SLC2A9: variants seen among roughly 807,000 people sequenced by gnomAD.
SLC2A9 encodes solute carrier family 2, facilitated glucose transporter member 9.
SLC2A9 carries 39 observed loss-of-function variants against 50.6 expected under a neutral mutation model. That is an observed-to-expected ratio of 0.77 (90% CI 0.60 to 1.01). SLC2A9 has a LOEUF of 1.01. Among genes scored for constraint, SLC2A9 ranks in the 50% least tolerant of loss-of-function variants. SLC2A9 has a pLI of 0.00. For synonymous variants in SLC2A9, 324 were observed against 276.9 expected (o/e 1.17, Z -1.69); for missense variants, 686 against 677.6 (o/e 1.01, Z -0.14).
intron 8 of SLC2A9, among the ~76,000 whole-genome samples, chr4:9,902,362 GGAA>G (rs1739796322): frequency 6.6e-6 from 1 of 152,206 alleles, no homozygotes; most frequent in Admixed American, 6.5e-5. Context: ...GAGTGCTGGA[GGAA>G]GAAGCATCCT....
chr4:9,801,722 C>T (rs985391114), intron 3 of SLC2A9, among the ~76,000 whole-genome samples: 2 of 152,144 alleles, frequency 1.3e-5, no homozygotes, highest in Admixed American at 6.5e-5. Context: ...ACTGTCCCCC[C>T]GAGCAGCAGC....
Position 9,921,033 on chromosome 4 carries a change from C to T in SLC2A9, c.815-461G>A, listed in dbSNP as rs7658183. On this transcript the variant is annotated intron_variant, in intron 6 of 11. Transcript: ENST00000264784. ...ATATTCACTAAGCACCTCCTGTTTGCCTGGCTCATGAGTTCATCCTCATTG... is the reference window on the plus strand; with the variant it reads ...ATATTCACTAAGCACCTCCTGTTTGTCTGGCTCATGAGTTCATCCTCATTG... 3.1e-3 allele frequency among the ~76,000 whole-genome samples: 468 copies of T among 152,302 alleles called. 2 individuals carry two copies. Among genetic ancestry groups the T allele is most frequent in the African/African-American group, 0.011 (452 of 41,560 alleles).
intron 1 of SLC2A9, among the ~76,000 whole-genome samples, chr4:10,032,447 A>T (rs1763967072): frequency 6.6e-6 from 1 of 152,042 alleles, no homozygotes; most frequent in Non-Finnish European, 1.5e-5. Context: ...AGCCATGGGA[A>T]ATCTAGATGG....
intron 10 of SLC2A9, among the ~76,000 whole-genome samples, chr4:9,848,128 C>T (rs1019829362): frequency 1.1e-4 from 17 of 152,198 alleles, no homozygotes; most frequent in African/African-American, 4.1e-4. Context: ...CCTAGGAATT[C>T]CTGGTGCCCA....
chr4:9,955,354 G>T (rs1356463177), intron 5 of SLC2A9, among the ~76,000 whole-genome samples: 1 of 104,656 alleles, frequency 9.6e-6, no homozygotes, highest in East Asian at 2.0e-4. Flanking sequence ...AATTAGCCGG[G>T]CGTGATGGCG....
chr4:10,002,909 A>G (rs886782159), intron 2 of SLC2A9, among the ~76,000 whole-genome samples: 1 of 152,180 alleles, frequency 6.6e-6, no homozygotes, highest in Non-Finnish European at 1.5e-5. Flanking sequence ...CTTGGGCTGG[A>G]TACTCCGTCA....
Position 9,852,413 on chromosome 4 carries a change from C to T in SLC2A9, c.1292-17405G>A, listed in dbSNP as rs369270452. Among the ~76,000 whole-genome samples the T allele has an allele frequency of 3.6e-3, 547 of 151,868 alleles. 12 individuals are homozygous for T. The highest frequency in any genetic ancestry group is 0.026 in the East Asian group (135 of 5,160). ...GACTACAGGCGCCCGCCACCGCGCCCGGCTAATTTTTTGTATTTTTAGTAG... is the reference window on the plus strand; with the variant it reads ...GACTACAGGCGCCCGCCACCGCGCCTGGCTAATTTTTTGTATTTTTAGTAG... On this transcript the variant is annotated intron_variant, in intron 10 of 11. Coordinates refer to ENST00000264784, the MANE Select transcript of SLC2A9 (RefSeq NM_020041.3).
chr4:9,979,671 C>T lies in SLC2A9; in HGVS notation c.681+921G>A, dbSNP rs531927863. ...TTCCCACTCTAGTCTACACCCACCG[C>T]CTCCACCCCAGAGCCACCTTCTAAC... On this transcript the variant is annotated intron_variant, in intron 5 of 11. Transcript: ENST00000264784. Among the ~76,000 whole-genome samples the T allele has an allele frequency of 1.1e-4, 16 of 152,276 alleles. No individual in the cohort carries two copies. In the South Asian group the frequency reaches 3.1e-3, roughly 30 times the overall value.
intron 5 of SLC2A9, among the ~76,000 whole-genome samples, chr4:9,963,396 C>G (rs1240358229): frequency 6.6e-6 from 1 of 152,180 alleles, no homozygotes; most frequent in East Asian, 1.9e-4. Flanking sequence ...ATTCCAAGGT[C>G]AAGGGAAATG....
chr4:9,815,434 A>G (rs1360451543), intron 3 of SLC2A9, among the ~76,000 whole-genome samples: 1 of 152,236 alleles, frequency 6.6e-6, no homozygotes, highest in Non-Finnish European at 1.5e-5. Flanking sequence ...TAAACTAGAC[A>G]GAAGTTTTGA....
downstream of SLC2A9, among the ~76,000 whole-genome samples, chr4:9,821,254 A>C (rs1279588193): frequency 2.6e-5 from 4 of 152,216 alleles, no homozygotes; most frequent in Non-Finnish European, 4.4e-5. Context: ...ATATTGAAAC[A>C]GTTTTGCATT....
Position 9,877,076 on chromosome 4 carries a change from A to C in SLC2A9, c.1291+10491T>G, listed in dbSNP as rs1203833333. On this transcript the variant is annotated intron_variant, in intron 10 of 11. Transcript: ENST00000264784. ...TGCTTGGTCCGGAGGATTAGAAAGC[A>C]ATTTGTCATTCTGCTTTGCACACAA... Among the ~76,000 whole-genome samples the C allele has an allele frequency of 3.3e-5, 5 of 152,260 alleles. No homozygotes were observed. In the East Asian group the frequency reaches 9.7e-4, roughly 29 times the overall value.
intron 3 of SLC2A9, among the ~76,000 whole-genome samples, chr4:9,805,230 C>T (rs1408575212): frequency 1.3e-5 from 2 of 152,226 alleles, no homozygotes; most frequent in Non-Finnish European, 2.9e-5. Flanking sequence ...CTCCAGAACC[C>T]AGGCTGATGG....
intron 5 of SLC2A9, among the ~76,000 whole-genome samples, chr4:9,972,554 A>G (rs1754085866): frequency 1.8e-5 from 2 of 112,216 alleles, no homozygotes; most frequent in African/African-American, 4.5e-5. Context: ...GCCATAAAGC[A>G]AGTCTCAGTA....
intron 11 of SLC2A9, among the ~76,000 whole-genome samples, chr4:9,828,203 T>A (rs557966793): frequency 6.6e-5 from 10 of 152,276 alleles, no homozygotes; most frequent in African/African-American, 2.4e-4. Context: ...ATCTGCTCCA[T>A]CAGGAAATCA....
At chr4:9,891,462 C>T (rs1252449600) in intron 8 of SLC2A9, among the ~76,000 whole-genome samples, 1 of 152,198 alleles carries the variant, frequency 6.6e-6, no homozygotes, top group Non-Finnish European at 1.5e-5. Context: ...CTTCCCAAAG[C>T]CCCAGGGCCT....
chr4:9,797,662 T>C (rs1159289519), downstream of SLC2A9, among the ~76,000 whole-genome samples: 1 of 152,230 alleles, frequency 6.6e-6, no homozygotes, highest in African/African-American at 2.4e-5. Context: ...TATATTGCCC[T>C]GTGATGCTCA....
rs188831271 is a variant in SLC2A9, at chr4:9,973,546, T to G, written c.681+7046A>C. On this transcript the variant is annotated intron_variant, in intron 5 of 11. Coordinates refer to ENST00000264784, the MANE Select transcript of SLC2A9 (RefSeq NM_020041.3). ...CTATGCAGCCATGAAAAATGAAGAG[T>G]TCATGTCCTTTGTAGGGACATGGAT... 3.6e-3 allele frequency among the ~76,000 whole-genome samples: 545 copies of G among 151,230 alleles called. 5 individuals are homozygous for G. Among genetic ancestry groups the G allele is most frequent in the African/African-American group, 0.012 (491 of 41,178 alleles).
chr4:9,793,402 C>T (rs1720207621), intron 3 of SLC2A9, among the ~76,000 whole-genome samples: 1 of 152,230 alleles, frequency 6.6e-6, no homozygotes, highest in Non-Finnish European at 1.5e-5. Context: ...GGGGAGAACA[C>T]TCCTGGTCCT....
Sources: allele counts gnomAD v4.1 joint callset (sites outside exome capture counted in the v4.1 genomes callset), GRCh38; gene constraint gnomAD v4.1.1; transcripts MANE v1.5; gene names NCBI Gene and HGNC (gene_info 2026-07-23, HGNC 2026-07-21).